Variants in TBC1D32 observed in about 807,000 individuals in gnomAD.
TBC1D32 encodes protein broad-minded.
Under a neutral mutation model 170.3 loss-of-function variants are expected in TBC1D32, and 151 were observed. The observed-to-expected ratio is 0.89, with a 90% CI of 0.78 to 1.01. The LOEUF (loss-of-function observed/expected upper bound fraction) is 1.01. Ranked by LOEUF, TBC1D32 falls within the 50% of genes least tolerant of loss-of-function variation. The pLI, the probability that TBC1D32 is intolerant of heterozygous loss-of-function variation, is 0.00. For missense variants in TBC1D32, 1,464 were observed against 1,457.1 expected, an observed-to-expected ratio of 1.00 and a Z score of -0.08; for synonymous variants, 498 against 488.0, an observed-to-expected ratio of 1.02 and a Z score of -0.27.
At chr6:121,203,584 T>C (rs1490695222) in intron 22 of TBC1D32, among the ~76,000 whole-genome samples, 1 of 151,370 alleles carries the variant, frequency 6.6e-6, no homozygotes, top group African/African-American at 2.5e-5. Context: ...GTTTTCTGTG[T>C]GCCAGGTACT....
chr6:121,091,065 T>C (rs1582721236), intron 30 of TBC1D32, 24 bp from the exon 31 acceptor site: 2 of 1,547,968 alleles, frequency 1.3e-6, no homozygotes, highest in African/African-American at 1.4e-5. Flanking sequence ...AAGTAGTAAG[T>C]TCATTAAAAA....
At chr6:121,240,122 C>T (rs971200274) in intron 19 of TBC1D32, among the ~76,000 whole-genome samples, 2 of 152,126 alleles carry the variant, frequency 1.3e-5, no homozygotes, top group African/African-American at 4.8e-5. Context: ...GTACCTACGA[C>T]ATCGGAGAAG....
chr6:121,281,553 T>G lies in TBC1D32; in HGVS notation c.1599A>C (p.Lys533Asn). Residue 533 changes from lysine (K) to asparagine (N), a missense_variant, in exon 14 of 32, where the codon AAA becomes AAC. This residue lies in a region of TBC1D32 where 1,363 missense variants were observed against 1,338.1 expected (regional missense o/e 1.02). Coordinates refer to ENST00000398212, the MANE Select transcript of TBC1D32 (RefSeq NM_152730.6). ...AGTAAATAATACGAACCTCATTTCC[T>G]TTCATTAAATTGTGAATAGGCTGAA... is the stretch of plus-strand genomic sequence containing the variant. ...TLLQPIHNLM[K>N]GNEASPNCSE... The G allele has an allele frequency of 5.6e-6, 9 of 1,605,684 alleles. No individual in the cohort carries two copies. The highest frequency in any genetic ancestry group is 7.7e-6 in the Non-Finnish European group (9 of 1,175,528).
chr6:121,116,750 G>T (rs1562532368), intron 26 of TBC1D32, among the ~76,000 whole-genome samples: 1 of 152,122 alleles, frequency 6.6e-6, no homozygotes, highest in Non-Finnish European at 1.5e-5. Context: ...CAAAGGAATT[G>T]GATGTGTTAA....
At chr6:121,228,923 C>T (rs1583303842) in intron 20 of TBC1D32, among the ~76,000 whole-genome samples, 1 of 152,018 alleles carries the variant, frequency 6.6e-6, no homozygotes, top group African/African-American at 2.4e-5. Context: ...TTATTAGGAT[C>T]ATACTGATTT....
chr6:121,117,080 T>G (rs575858157), intron 26 of TBC1D32, among the ~76,000 whole-genome samples: 3 of 151,320 alleles, frequency 2.0e-5, no homozygotes, highest in African/African-American at 7.4e-5. Flanking sequence ...TACAGCTTAT[T>G]TGTTATACAA....
chr6:121,292,014 G>A, intron 12 of TBC1D32, 39 bp downstream of exon 12: 1 of 1,520,034 alleles, frequency 6.6e-7, no homozygotes, highest in Non-Finnish European at 8.9e-7. Context: ...ATAAATCTTA[G>A]CATATCTTAA....
At chr6:121,154,038 A>G (rs751122311) in intron 24 of TBC1D32, among the ~76,000 whole-genome samples, 15 of 40,230 alleles carry the variant, frequency 3.7e-4, no homozygotes, top group Non-Finnish European at 7.0e-4. Context: ...ACACTAGGGT[A>G]CAAAAAAAAA....
intron 3 of TBC1D32, among the ~76,000 whole-genome samples, chr6:121,311,111 C>T (rs775825828): frequency 6.6e-6 from 1 of 152,020 alleles, no homozygotes; most frequent in Non-Finnish European, 1.5e-5. Flanking sequence ...TTATAAGACT[C>T]AAAAGACACA....
In TBC1D32 at chr6:121,232,760, G is replaced by A. The variant is rs1019501250; in HGVS notation, c.2364+6310C>T. ...TTCATTATTTCTTTTTTCCTGCTGG[G>A]TTTGGTTTTGGATTATTCTTGTTTC... On this transcript the variant is annotated intron_variant, in intron 20 of 31. Transcript: ENST00000398212. 5.9e-5 allele frequency among the ~76,000 whole-genome samples: 9 copies of A among 151,948 alleles called. No homozygotes were observed. The South Asian group carries it at 6.2e-4, about 11-fold the overall frequency.
Position 121,156,196 on chromosome 6 carries a change from T to C in TBC1D32, c.2773+3814A>G, listed in dbSNP as rs570187011. Among the ~76,000 whole-genome samples, 231 of 152,010 alleles carry C rather than the reference T, an allele frequency of 1.5e-3. 2 individuals carry two copies. The highest frequency in any genetic ancestry group is 5.3e-3 in the African/African-American group (218 of 41,518). The stretch of plus-strand genomic sequence containing the variant: ...ATTACTGATTCAGTTTTGAAATTTG[T>C]TATTGGTATGTTCAGAATTTTACTT... On this transcript the variant is annotated intron_variant, in intron 24 of 31. Transcript: ENST00000398212.
chr6:121,101,011 C>A (rs186168623), intron 30 of TBC1D32, among the ~76,000 whole-genome samples: 308 of 152,180 alleles, frequency 2.0e-3, no homozygotes, highest in Non-Finnish European at 3.8e-3. Context: ...TTCCTGGACA[C>A]ATACACCCTC....
chr6:121,115,443 T>C (rs940495608), intron 26 of TBC1D32: 2 of 413,888 alleles, frequency 4.8e-6, no homozygotes, highest in Non-Finnish European at 8.6e-6. Context: ...CTTTTTCCCA[T>C]AAAAAGCATT....
chr6:121,086,613 C>T (rs530401341), intron 31 of TBC1D32, among the ~76,000 whole-genome samples: 7 of 152,076 alleles, frequency 4.6e-5, no homozygotes, highest in Non-Finnish European at 5.9e-5. Flanking sequence ...GATTTTGTTA[C>T]AATATGCAAG....
chr6:121,328,347 G>A (rs1055152973), intron 1 of TBC1D32, among the ~76,000 whole-genome samples: 19 of 151,674 alleles, frequency 1.3e-4, no homozygotes, highest in African/African-American at 4.4e-4. Context: ...GTGCAGTGAC[G>A]CGATCTCGGC....
chr6:121,280,856 G>C (rs146937509), intron 14 of TBC1D32, among the ~76,000 whole-genome samples: 1 of 151,708 alleles, frequency 6.6e-6, no homozygotes, highest in African/African-American at 2.4e-5. Flanking sequence ...CCTCAAAATA[G>C]ATATGAAAAA....
intron 15 of TBC1D32, among the ~76,000 whole-genome samples, chr6:121,275,540 A>G (rs1802097095): frequency 6.6e-6 from 1 of 152,196 alleles, no homozygotes; most frequent in Non-Finnish European, 1.5e-5. Context: ...ATAAGTAAAT[A>G]TAAATCAAAA....
At chr6:121,087,019 A>G (rs1776330850) in intron 31 of TBC1D32, among the ~76,000 whole-genome samples, 1 of 152,204 alleles carries the variant, frequency 6.6e-6, no homozygotes, top group Admixed American at 6.5e-5. Flanking sequence ...TCCGGGCCCA[A>G]GGACTGAGCT....
chr6:121,156,322 T>A (rs1053915043), intron 24 of TBC1D32, among the ~76,000 whole-genome samples: 2 of 151,958 alleles, frequency 1.3e-5, no homozygotes, highest in African/African-American at 4.8e-5. Context: ...ATAGTCTCTT[T>A]GTATTTTGAT....
Sources: allele counts gnomAD v4.1 joint callset (sites outside exome capture counted in the v4.1 genomes callset), GRCh38; gene constraint gnomAD v4.1.1; regional missense constraint gnomAD v4.1.1; transcripts MANE v1.5; gene names NCBI Gene and HGNC (gene_info 2026-07-23, HGNC 2026-07-21).